Variants in TMEM132B observed in about 807,000 individuals in gnomAD.
TMEM132B encodes the protein transmembrane protein 132B.
A neutral mutation model predicts 90.8 loss-of-function variants in TMEM132B; 18 were observed. The ratio of observed to expected loss-of-function variants is 0.20; its 90% CI spans 0.14 to 0.29. The LOEUF is 0.29. TMEM132B is among the 10% of genes least tolerant of loss of function. The pLI is 1.00. For synonymous variants in TMEM132B, 504 were observed against 523.3 expected (o/e 0.96, Z 0.50); for missense variants, 1,096 against 1,326.8 (o/e 0.83, Z 2.70).
chr12:125,441,000 T>C (rs12422967), intron 3 of TMEM132B, among the ~76,000 whole-genome samples: 11,417 of 152,272 alleles, frequency 0.075, 994 homozygotes, highest in East Asian at 0.31. Flanking sequence ...CACAGTGGTG[T>C]TTTTCTTCTG....
chr12:125,289,239 A>G (rs1002073199), intron 1 of TMEM132B, among the ~76,000 whole-genome samples: 5 of 152,228 alleles, frequency 3.3e-5, no homozygotes, highest in Non-Finnish European at 7.3e-5. Context: ...AAGCAAACTC[A>G]CACAAACACT....
intron 2 of TMEM132B, among the ~76,000 whole-genome samples, chr12:125,371,733 A>G (rs567616384): frequency 2.6e-4 from 40 of 152,304 alleles, no homozygotes; most frequent in African/African-American, 9.1e-4. Flanking sequence ...TGCAGTAAAT[A>G]ATTATAGGGA....
intron 4 of TMEM132B, among the ~76,000 whole-genome samples, chr12:125,563,337 G>C (rs952094402): frequency 9.9e-5 from 15 of 152,028 alleles, no homozygotes; most frequent in Admixed American, 9.8e-4. Flanking sequence ...GGCCGGGCGC[G>C]GTGGCTCACG....
At chr12:125,218,573 C>T (rs763630953) in intron 1 of TMEM132B, among the ~76,000 whole-genome samples, 16 of 152,184 alleles carry the variant, frequency 1.1e-4, no homozygotes, top group Admixed American at 3.9e-4. Context: ...TCTGCATTGT[C>T]GGTTGTGACT....
intron 3 of TMEM132B, among the ~76,000 whole-genome samples, chr12:125,516,169 ACACT>A (rs1361229205): frequency 6.6e-6 from 1 of 152,010 alleles, no homozygotes; most frequent in African/African-American, 2.4e-5. Context: ...TCTCACACAC[ACACT>A]CACATACACT....
chr12:125,346,209 A>G (rs974258414), intron 1 of TMEM132B, among the ~76,000 whole-genome samples: 1 of 152,228 alleles, frequency 6.6e-6, no homozygotes. Context: ...GCAGCTTTAC[A>G]TTTCTTGTAA....
chr12:125,579,450 C>A (rs562866958), intron 4 of TMEM132B, among the ~76,000 whole-genome samples: 95 of 151,916 alleles, frequency 6.3e-4, no homozygotes, highest in African/African-American at 2.0e-3. Flanking sequence ...CAATCTCTGC[C>A]TCCTGGGTTC....
At chr12:125,309,504 G>T (rs888984665) in intron 1 of TMEM132B, among the ~76,000 whole-genome samples, 3 of 151,834 alleles carry the variant, frequency 2.0e-5, no homozygotes, top group African/African-American at 7.3e-5. Context: ...CCTACTATGT[G>T]CCAGGCTCTG....
chr12:125,640,685 C>CAGTGTTAG (rs1307175503), intron 5 of TMEM132B, among the ~76,000 whole-genome samples: 4 of 151,416 alleles, frequency 2.6e-5, no homozygotes, highest in Non-Finnish European at 4.4e-5. Flanking sequence ...TGCCGGCTCA[C>CAGTGTTAG]ACACGCAAAA....
At chr12:125,544,505 C>G (rs911985234) in intron 4 of TMEM132B, among the ~76,000 whole-genome samples, 1 of 152,168 alleles carries the variant, frequency 6.6e-6, no homozygotes, top group Non-Finnish European at 1.5e-5. Flanking sequence ...GTACCACATT[C>G]ACTTAGGGTC....
At chr12:125,624,883 A>G (rs1886193449) in intron 5 of TMEM132B, among the ~76,000 whole-genome samples, 1 of 152,104 alleles carries the variant, frequency 6.6e-6, no homozygotes, top group South Asian at 2.1e-4. Flanking sequence ...ACAGAGTAAA[A>G]TGTGCTTTTT....
chr12:125,654,073 A>T lies in TMEM132B; in HGVS notation c.2615A>T (p.Asp872Val). The T allele has an allele frequency of 6.2e-7, 1 of 1,614,150 alleles. No individual in the cohort carries two copies. Among genetic ancestry groups the T allele is most frequent in the South Asian group, 1.1e-5 (1 of 91,080 alleles). The change falls in exon 9 of 9, where the codon GAT (aspartate) becomes GTT (valine). Residue 872 changes from aspartate (D) to valine (V), a missense_variant. Coordinates refer to ENST00000682704, the MANE Select transcript of TMEM132B (RefSeq NM_001366854.1). The surrounding 1 kb of genome is among the most constrained non-coding windows in gnomAD (Gnocchi z 5.8). ...AAGTTACTCAAAAGTGGTGGTCCAG[A>T]TGCCTTTACAAGCTTCCCCACTCAA... is the stretch of plus-strand genomic sequence containing the variant. Reference protein sequence around the residue: ...KNKLLKSGGPDAFTSFPTQGK... With the variant: ...KNKLLKSGGPVAFTSFPTQGK...
chr12:125,252,044 G>GAGGT (rs1874328237), intron 1 of TMEM132B, among the ~76,000 whole-genome samples: 1 of 152,182 alleles, frequency 6.6e-6, no homozygotes, highest in Admixed American at 6.5e-5. Flanking sequence ...TTCTTACAAA[G>GAGGT]AGGTGGTCTT....
Position 125,662,154 on chromosome 12 carries a change from T to C in TMEM132B, c.*7444T>C, listed in dbSNP as rs895029616. 2 of 152,228 alleles carry C rather than the reference T, an allele frequency of 1.3e-5. No individual in the cohort carries two copies. The highest frequency in any genetic ancestry group is 4.8e-5 in the African/African-American group (2 of 41,476). 9.4% of individuals were successfully genotyped at this position (152,228 alleles called of 1,614,324 possible). A position where few individuals can be genotyped will look rare whatever the true frequency, so the allele number is the denominator to read the frequency against. ...ATCCCTTACTTTCCACATTTCTGAA[T>C]TGGATTCTTGTTCCCTGGTAAACAC... On this transcript the variant is annotated 3_prime_UTR_variant, in exon 9 of 9. Transcript: ENST00000682704.
At chr12:125,306,675 G>A (rs80181526) in intron 1 of TMEM132B, among the ~76,000 whole-genome samples, 4 of 152,102 alleles carry the variant, frequency 2.6e-5, no homozygotes, top group African/African-American at 9.7e-5. Context: ...AGCCATTATT[G>A]TTGCTTGCCT....
chr12:125,467,309 A>G (rs1034362435), intron 3 of TMEM132B, among the ~76,000 whole-genome samples: 2 of 152,122 alleles, frequency 1.3e-5, no homozygotes, highest in South Asian at 4.1e-4. Context: ...TTCTGGGAAT[A>G]TTATTGAAGT....
intron 5 of TMEM132B, among the ~76,000 whole-genome samples, chr12:125,609,089 C>G (rs1184896073): frequency 6.6e-6 from 1 of 152,128 alleles, no homozygotes; most frequent in Non-Finnish European, 1.5e-5. Context: ...CATCAGTCTC[C>G]TGAGACTCAC....
intron 1 of TMEM132B, among the ~76,000 whole-genome samples, chr12:125,244,044 T>A (rs1874151774): frequency 6.6e-6 from 1 of 152,224 alleles, no homozygotes; most frequent in Admixed American, 6.5e-5. Flanking sequence ...CTTCTTTCAC[T>A]TAGCGTGATG....
chr12:125,352,369 A>G (rs1877616070), intron 2 of TMEM132B, among the ~76,000 whole-genome samples: 1 of 152,256 alleles, frequency 6.6e-6, no homozygotes, highest in Admixed American at 6.5e-5. Context: ...TAGGATCGCT[A>G]AAAGTAGGGG....
Sources: gnomAD v4.1 joint callset for allele counts (sites outside exome capture counted in the v4.1 genomes callset) on GRCh38, gnomAD v4.1.1 for gene constraint, Gnocchi (gnomAD v3.1) non-coding constraint, MANE v1.5 for transcripts, NCBI Gene and HGNC (gene_info 2026-07-23, HGNC 2026-07-21) for gene names.